Variants in CDO1 observed in about 807,000 individuals in gnomAD.
CDO1 encodes the protein cysteine dioxygenase, type I.
CDO1 carries 19 observed loss-of-function variants against 24.5 expected under a neutral mutation model. The ratio of observed to expected loss-of-function variants is 0.77; its 90% CI spans 0.54 to 1.14. The LOEUF (loss-of-function observed/expected upper bound fraction) is 1.14, where lower values mean the gene tolerates loss of function less well. Among genes scored for constraint, CDO1 ranks in the 50% most tolerant of loss-of-function variants. CDO1 has a pLI of 0.00. For missense variants in CDO1, 244 were observed against 244.8 expected, an observed-to-expected ratio of 1.00 and a Z score of 0.02; for synonymous variants, 91 against 87.0, an observed-to-expected ratio of 1.05 and a Z score of -0.26.
intron 1 of CDO1, among the ~76,000 whole-genome samples, chr5:115,814,936 A>G (rs574573636): frequency 6.6e-6 from 1 of 152,082 alleles, no homozygotes; most frequent in Non-Finnish European, 1.5e-5. Context: ...TAAAAGCTAG[A>G]CTCTCTGCTA....
intron 1 of CDO1, chr5:115,814,193 G>T (rs1252193505): frequency 2.0e-5 from 3 of 152,092 alleles, no homozygotes; most frequent in Non-Finnish European, 4.4e-5. Context: ...CGAAGAGCAT[G>T]ATCCTAGAGG....
At chr5:115,807,173 C>T (rs745589425) in intron 3 of CDO1, among the ~76,000 whole-genome samples, 10 of 152,176 alleles carry the variant, frequency 6.6e-5, no homozygotes, top group Non-Finnish European at 1.2e-4. Flanking sequence ...TTAGTCATCA[C>T]CTAGCTGCGA....
Position 115,804,780 on chromosome 5 carries a change from A to G in CDO1, c.*653T>C, listed in dbSNP as rs2112673252. The G allele has an allele frequency of 6.6e-6, 1 of 152,302 alleles. No homozygotes were observed. The highest frequency in any genetic ancestry group is 1.9e-4 in the East Asian group (1 of 5,186). The allele number at this position is 152,302 out of a possible 1,614,324, so 9.4% of individuals were successfully genotyped here. A position where few individuals can be genotyped will look rare whatever the true frequency, so the allele number is the denominator to read the frequency against. ...TAAATTATTTGGTAATTTTAGCAGT[A>G]CAAAATCTTTGACTATGACCATGGG... On this transcript the variant is annotated 3_prime_UTR_variant, in exon 5 of 5. Coordinates refer to ENST00000250535, the MANE Select transcript of CDO1 (RefSeq NM_001801.3).
intron 4 of CDO1, 118 bp from the exon 5 acceptor site, chr5:115,805,580 C>A (rs1037653866): frequency 3.6e-6 from 3 of 838,908 alleles, no homozygotes; most frequent in African/African-American, 3.5e-5. Context: ...GGCAAGGGAG[C>A]CTTGTTGTTT....
chr5:115,816,188 G>A, intron 1 of CDO1, 40 bp downstream of exon 1: 4 of 1,594,088 alleles, frequency 2.5e-6, no homozygotes, highest in Non-Finnish European at 3.4e-6. Context: ...CAGACGGGGC[G>A]AGTGGGCGCC....
At chr5:115,815,964 G>T (rs1257352944) in intron 1 of CDO1, among the ~76,000 whole-genome samples, 1 of 152,240 alleles carries the variant, frequency 6.6e-6, no homozygotes, top group Admixed American at 6.5e-5. Context: ...GCAGACGCGC[G>T]GTGGCCTCCC....
intron 1 of CDO1, among the ~76,000 whole-genome samples, chr5:115,813,620 TTG>T (rs1760295510): frequency 7.7e-6 from 1 of 129,842 alleles, no homozygotes; most frequent in South Asian, 2.4e-4. Context: ...AATGTTGCTA[TTG>T]TTTTTTTTTT....
chr5:115,805,362 T>G lies in CDO1; in HGVS notation c.*71A>C, dbSNP rs1014346782. 20 of 1,297,522 alleles carry G rather than the reference T, an allele frequency of 1.5e-5. No homozygotes were observed. Among genetic ancestry groups the G allele is most frequent in the Non-Finnish European group, 2.2e-5 (20 of 900,348 alleles). The allele number at this position is 1,297,522 out of a possible 1,614,324, so 80.4% of individuals were successfully genotyped here. ...AAGTATATTACTGGATAGCACGTGGTAGGTAGCCTTTTTGTCCAAGGCAAA... is the reference window on the plus strand; with the variant it reads ...AAGTATATTACTGGATAGCACGTGGGAGGTAGCCTTTTTGTCCAAGGCAAA... On this transcript the variant is annotated 3_prime_UTR_variant, in exon 5 of 5. Coordinates refer to ENST00000250535, the MANE Select transcript of CDO1 (RefSeq NM_001801.3).
chr5:115,814,653 A>G (rs1260126362), intron 1 of CDO1, among the ~76,000 whole-genome samples: 1 of 152,218 alleles, frequency 6.6e-6, no homozygotes, highest in Non-Finnish European at 1.5e-5. Flanking sequence ...GAGTTTGTCA[A>G]TCGAGACTAG....
chr5:115,808,195 T>C (rs945401032), intron 3 of CDO1, among the ~76,000 whole-genome samples: 1 of 152,120 alleles, frequency 6.6e-6, no homozygotes, highest in Non-Finnish European at 1.5e-5. Context: ...TCCAGGCTGT[T>C]CTTGAACTCC....
chr5:115,806,213 G>A, intron 4 of CDO1, 136 bp downstream of exon 4: 1 of 474,698 alleles, frequency 2.1e-6, no homozygotes, highest in Non-Finnish European at 3.6e-6. Context: ...TGAAAAGATA[G>A]TCGCTAAAGT....
chr5:115,815,986 T>G (rs1400117722), intron 1 of CDO1, among the ~76,000 whole-genome samples: 1 of 152,222 alleles, frequency 6.6e-6, no homozygotes, highest in African/African-American at 2.4e-5. Context: ...TCCCGGCGCC[T>G]GTCCGCCGTT....
At position 115,805,465 on chromosome 5, in the gene CDO1, G is replaced by T; in HGVS notation, c.574-3C>A. The T allele has an allele frequency of 1.2e-6, 2 of 1,613,478 alleles. No homozygotes were observed. The highest frequency in any genetic ancestry group is 1.7e-6 in the Non-Finnish European group (2 of 1,179,646). On this transcript the variant is annotated splice_polypyrimidine_tract_variant and splice_region_variant and intron_variant, in intron 4 of 4. Coordinates refer to ENST00000250535, the MANE Select transcript of CDO1 (RefSeq NM_001801.3). ...TTCTCCAGCGAGCCCGAAGTTGCCTGTAAAAAAGGGAAAAAAAGAAAGCTG... is the reference window on the plus strand; with the variant it reads ...TTCTCCAGCGAGCCCGAAGTTGCCTTTAAAAAAGGGAAAAAAAGAAAGCTG...
In CDO1 at chr5:115,816,579, C is replaced by T. The variant is rs568638630; in HGVS notation, c.-182G>A. On this transcript the variant is annotated 5_prime_UTR_variant, in exon 1 of 5. Coordinates refer to ENST00000250535, the MANE Select transcript of CDO1 (RefSeq NM_001801.3). ...ATGTCGTCGCAGAGACAGCAAGAGA[C>T]CCACCCCCAGGCCCCTGGCAGCGCA... The T allele has an allele frequency of 8.7e-5, 57 of 652,820 alleles. No individual in the cohort carries two copies. In the Middle Eastern group the frequency reaches 1.3e-3, roughly 15 times the overall value. The allele number at this position is 652,820 out of a possible 1,614,324, so 40.4% of individuals were successfully genotyped here.
Position 115,806,498 on chromosome 5 carries a change from C to A in CDO1, c.424G>T (p.Val142Leu), listed in dbSNP as rs1759953741. 1 of 1,609,436 alleles carries A rather than the reference C, an allele frequency of 6.2e-7. No homozygotes were observed. The highest frequency in any genetic ancestry group is 1.7e-5 in the Admixed American group (1 of 58,866). Residue 142 changes from valine (V) to leucine (L), a missense_variant, in exon 4 of 5, where the codon GTA becomes TTA. By Grantham distance (32) the Val-to-Leu change is conservative. Transcript: ENST00000250535. ...GGTTCCGTATGGCTGATGTTCTCTA[C>A]TCGATGTAAGCCAATGGAATCTAAA... ...YINDSIGLHR[V>L]ENISHTEPAV...
In CDO1 at chr5:115,816,302, C is replaced by A; in HGVS notation, c.96G>T (p.Glu32Asp). 2 of 1,614,166 alleles carry A rather than the reference C, an allele frequency of 1.2e-6. No individual in the cohort carries two copies. The highest frequency in any genetic ancestry group is 1.7e-6 in the Non-Finnish European group (2 of 1,180,026). The part of the protein sequence containing the change: ...LFAGDEVNVE[E>D]VQAIMEAYES... ...CGTAGGCTTCCATGATGGCCTGCAC[C>A]TCCTCTACATTGACCTCATCGCCGG... Residue 32 changes from glutamate to aspartate, a missense_variant, in exon 1 of 5, where the codon GAG becomes GAT. By Grantham distance (45) the Glu-to-Asp change is conservative (BLOSUM62 2). Transcript: ENST00000250535.
chr5:115,813,291 G>T, intron 1 of CDO1, 33 bp from the exon 2 acceptor site: 1 of 1,194,624 alleles, frequency 8.4e-7, no homozygotes, highest in Non-Finnish European at 1.2e-6. Flanking sequence ...GAAGTTTTAA[G>T]TTCGTTGCTG....
intron 3 of CDO1, among the ~76,000 whole-genome samples, chr5:115,809,913 G>A (rs753133204): frequency 6.6e-5 from 10 of 152,262 alleles, no homozygotes; most frequent in Middle Eastern, 3.4e-3. Flanking sequence ...GTATACTCCA[G>A]TTCATACCAG....
rs1402171712 is a variant in CDO1, at chr5:115,805,283, T to A, written c.*150A>T. The A allele has an allele frequency of 1.3e-5, 8 of 621,704 alleles. No homozygotes were observed. The highest frequency in any genetic ancestry group is 1.3e-4 in the Admixed American group (4 of 31,110). 38.5% of individuals were successfully genotyped at this position (621,704 alleles called of 1,614,324 possible). The stretch of plus-strand genomic sequence containing the variant: ...TAGCTGAGGGCACTATTTGCTTACT[T>A]AATGCCTTATAATTAGCATCTGCCT... On this transcript the variant is annotated 3_prime_UTR_variant, in exon 5 of 5. Transcript: ENST00000250535.
Sources: gnomAD v4.1 joint callset for allele counts (sites outside exome capture counted in the v4.1 genomes callset) on GRCh38, gnomAD v4.1.1 for gene constraint, MANE v1.5 for transcripts, NCBI Gene and HGNC (gene_info 2026-07-23, HGNC 2026-07-21) for gene names.